The following PRKCQ variants were observed in gnomAD, a reference collection of about 807,000 sequenced individuals.
PRKCQ encodes protein kinase C theta.
In PRKCQ, 41 loss-of-function variants were observed where a neutral mutation model predicts 91.2. The ratio of observed to expected loss-of-function variants is 0.45; its 90% CI spans 0.35 to 0.58. The LOEUF (loss-of-function observed/expected upper bound fraction) is 0.58, where lower values mean the gene tolerates loss of function less well. Among genes scored for constraint, PRKCQ ranks in the 20% least tolerant of loss-of-function variants. The pLI, the probability that PRKCQ is intolerant of heterozygous loss-of-function variation, is 0.00. For synonymous variants in PRKCQ, 307 were observed against 316.9 expected (o/e 0.97, Z 0.33); for missense variants, 673 against 896.5 (o/e 0.75, Z 3.18).
intron 1 of PRKCQ, among the ~76,000 whole-genome samples, chr10:6,579,881 T>C (rs1841399733): frequency 6.7e-6 from 1 of 148,940 alleles, no homozygotes; most frequent in African/African-American, 2.5e-5. Context: ...ACTTTCCACC[T>C]TCTTCCCTCC....
chr10:6,460,272 G>A (rs951016648), intron 14 of PRKCQ, among the ~76,000 whole-genome samples: 2 of 151,740 alleles, frequency 1.3e-5, no homozygotes, highest in Non-Finnish European at 2.9e-5. Flanking sequence ...TGTTGTGATA[G>A]TAAAGCTACT....
chr10:6,514,976 TCTC>T (rs1427677162), intron 2 of PRKCQ, 39 bp downstream of exon 2: 2 of 1,611,138 alleles, frequency 1.2e-6, no homozygotes, highest in Non-Finnish European at 1.7e-6. Context: ...ATAGCAGGAT[TCTC>T]CTCCTCCTCC....
chr10:6,500,842 T>C (rs1003419678), intron 4 of PRKCQ, among the ~76,000 whole-genome samples: 1 of 152,132 alleles, frequency 6.6e-6, no homozygotes, highest in Admixed American at 6.5e-5. Context: ...AGAAACACAT[T>C]ATTCCTCACC....
rs561079433 is a variant in PRKCQ at position 6,568,731 on chromosome 10, C to T, written c.-10+11480G>A. 3.0e-3 allele frequency among the ~76,000 whole-genome samples: 456 copies of T among 152,208 alleles called. 3 individuals are homozygous for T. The highest frequency in any genetic ancestry group is 0.01 in the African/African-American group (429 of 41,506). ...GCCAGGATGGTCTCAATCTCCTGAC[C>T]TCGTGATCCGCCCACCTCGGCCTCC... On this transcript the variant is annotated intron_variant, in intron 1 of 17. Transcript: ENST00000263125.
intron 8 of PRKCQ, among the ~76,000 whole-genome samples, chr10:6,488,423 TC>T (rs1261443161): frequency 6.6e-6 from 1 of 151,488 alleles, no homozygotes; most frequent in Admixed American, 6.6e-5. Flanking sequence ...TCTCGCTGTG[TC>T]ACCCAGGCTG....
chr10:6,580,301 G>GGGCTGGCGGGGCTGGCGA (rs2130996596), upstream of PRKCQ: 1 of 147,434 alleles, frequency 6.8e-6, no homozygotes, highest in African/African-American at 2.5e-5. Flanking sequence ...GGGGCTGGCG[G>GGGCTGGCGGGGCTGGCGA]GGCTGGCGGG....
intron 1 of PRKCQ, among the ~76,000 whole-genome samples, chr10:6,544,327 C>T (rs192411210): frequency 4.7e-4 from 71 of 152,224 alleles, no homozygotes; most frequent in African/African-American, 1.7e-3. Context: ...GGTTTTTCAT[C>T]GGGGAGATTT....
chr10:6,557,465 C>A (rs749240845), intron 1 of PRKCQ, among the ~76,000 whole-genome samples: 2 of 152,178 alleles, frequency 1.3e-5, no homozygotes, highest in Non-Finnish European at 2.9e-5. Flanking sequence ...CCCTTCTTCT[C>A]TCCTGCTCTC....
At chr10:6,417,152 G>A in the PRKCQ span, among the ~76,000 whole-genome samples, 2 of 152,358 alleles carry the variant, frequency 1.3e-5, no homozygotes, top group African/African-American at 4.8e-5. Flanking sequence ...CATGAAATAG[G>A]TGTCTTGTCC....
At chr10:6,532,313 A>G (rs1204894065) in intron 1 of PRKCQ, among the ~76,000 whole-genome samples, 5 of 152,372 alleles carry the variant, frequency 3.3e-5, no homozygotes, top group African/African-American at 1.2e-4. Context: ...AGCTTCTTTA[A>G]GAAAAACATG....
chr10:6,488,636 G>A (rs960176270), intron 8 of PRKCQ, among the ~76,000 whole-genome samples: 1 of 152,054 alleles, frequency 6.6e-6, no homozygotes, highest in Non-Finnish European at 1.5e-5. Flanking sequence ...TGCCCACCTC[G>A]GTCTCCTAAA....
At chr10:6,450,892 C>A (rs149803240) in intron 15 of PRKCQ, among the ~76,000 whole-genome samples, 1 of 151,752 alleles carries the variant, frequency 6.6e-6, no homozygotes, top group African/African-American at 2.4e-5. Flanking sequence ...AACAAAGACA[C>A]AACATACCAG....
At chr10:6,453,822 C>A in intron 15 of PRKCQ, among the ~76,000 whole-genome samples, 1 of 149,412 alleles carries the variant, frequency 6.7e-6, no homozygotes. Context: ...ATCGCAAGGA[C>A]AAAAAACCAA....
chr10:6,533,204 T>C (rs892409832), intron 1 of PRKCQ, among the ~76,000 whole-genome samples: 1 of 152,126 alleles, frequency 6.6e-6, no homozygotes, highest in African/African-American at 2.4e-5. Flanking sequence ...AGGTTCACTC[T>C]TCTATTTTTT....
At chr10:6,496,901 G>A (rs759780339) in intron 7 of PRKCQ, 134 bp downstream of exon 7, 7 of 829,778 alleles carry the variant, frequency 8.4e-6, no homozygotes, top group Non-Finnish European at 1.4e-5. Context: ...AGAGGAAAGA[G>A]TTTTGGGGAG....
chr10:6,536,031 T>C (rs2130908250), intron 1 of PRKCQ, among the ~76,000 whole-genome samples: 1 of 152,178 alleles, frequency 6.6e-6, no homozygotes, highest in African/African-American at 2.4e-5. Flanking sequence ...TAGGTCACCC[T>C]TGGGGACAGT....
chr10:6,445,964 A>T (rs1834265543), intron 15 of PRKCQ, among the ~76,000 whole-genome samples: 1 of 152,228 alleles, frequency 6.6e-6, no homozygotes, highest in South Asian at 2.1e-4. Context: ...ATTTGGAAGG[A>T]CAGGAGACAG....
At chr10:6,412,943 A>C in the PRKCQ span, among the ~76,000 whole-genome samples, 2 of 115,108 alleles carry the variant, frequency 1.7e-5, no homozygotes, top group African/African-American at 3.6e-5. Flanking sequence ...CAAACATTAC[A>C]ATTTTATTTT....
Position 6,486,113 on chromosome 10 carries a change from C to CT in PRKCQ, c.821dup (p.Thr275AspfsTer16), listed in dbSNP as rs1564341890. ...TGCCACAAAGGTTGGCCACCTTTGT[C>CT]TGGCATCTATGATGCACATTCATGC... On this transcript the variant is annotated frameshift_variant, in exon 9 of 18. Coordinates refer to ENST00000263125, the MANE Select transcript of PRKCQ (RefSeq NM_006257.5). LOFTEE classifies it high-confidence loss of function. 2 of 1,614,136 alleles carry CT rather than the reference C, an allele frequency of 1.2e-6. No homozygotes were observed. The highest frequency in any genetic ancestry group is 1.7e-6 in the Non-Finnish European group (2 of 1,180,026).
Sources: gnomAD v4.1 joint callset for allele counts (sites outside exome capture counted in the v4.1 genomes callset) on GRCh38, gnomAD v4.1.1 for gene constraint, MANE v1.5 for transcripts, NCBI Gene and HGNC (gene_info 2026-07-23, HGNC 2026-07-21) for gene names.